The following ZNF248 variants were observed in gnomAD, a reference collection of about 807,000 sequenced individuals.
The protein encoded by ZNF248 is zinc finger protein 248.
A neutral mutation model predicts 44.3 loss-of-function variants in ZNF248; 20 were observed. The ratio of observed to expected loss-of-function variants is 0.45; its 90% CI spans 0.32 to 0.66. The LOEUF (loss-of-function observed/expected upper bound fraction) is 0.66. ZNF248 is among the 30% of genes least tolerant of loss of function. The pLI is 0.04. For synonymous variants in ZNF248, 224 were observed against 229.0 expected (o/e 0.98, Z 0.20); for missense variants, 654 against 677.0 (o/e 0.97, Z 0.38).
At chr10:37,826,401 T>C (rs1297363594), downstream of ZNF248, among the ~76,000 whole-genome samples, 3 of 152,204 alleles carry the variant, frequency 2.0e-5, no homozygotes, top group Non-Finnish European at 4.4e-5. Context: ...TGAGTATTAT[T>C]TCCTCATCAT....
In ZNF248 at chr10:37,790,270, C is replaced by CAA. The variant is rs35082361; in HGVS notation, c.331-13697_331-13696dup. On this transcript the variant is annotated intron_variant, in intron 6 of 6. Coordinates refer to the ZNF248 transcript ENST00000615949. ...TGGGTGACAGAGCAAGACTCTGTGT[C>CAA]AAAAAAAAAAAAAAAAAAAAGTAAC... Among the ~76,000 whole-genome samples, 93 of 91,000 alleles carry CAA rather than the reference C, an allele frequency of 1.0e-3. 1 individual carries two copies. Among genetic ancestry groups the CAA allele is most frequent in the Admixed American group, 1.7e-3 (14 of 8,240 alleles). The allele number at this position is 91,000 out of a possible 152,430, so 59.7% of individuals were successfully genotyped here. A position where few individuals can be genotyped will look rare whatever the true frequency, so the allele number is the denominator to read the frequency against.
chr10:37,761,248 G>A, the ZNF248 span, among the ~76,000 whole-genome samples: 1 of 152,326 alleles, frequency 6.6e-6, no homozygotes, highest in East Asian at 1.9e-4. Flanking sequence ...CCAGAAGGAT[G>A]TGAAATCTCT....
At chr10:37,820,277 G>T in intron 6 of ZNF248, 1 of 1,381,370 alleles carries the variant, frequency 7.2e-7, no homozygotes, top group Non-Finnish European at 1.0e-6. Flanking sequence ...GCTCTGTGTT[G>T]CCAGATCTCA....
chr10:37,838,563 C>T (rs889377150), intron 3 of ZNF248, among the ~76,000 whole-genome samples: 9 of 152,124 alleles, frequency 5.9e-5, no homozygotes, highest in African/African-American at 9.7e-5. Context: ...AAGCTCAGCA[C>T]ATATTGATTC....
the ZNF248 span, among the ~76,000 whole-genome samples, chr10:37,768,800 A>C: frequency 6.6e-6 from 1 of 152,152 alleles, no homozygotes; most frequent in Non-Finnish European, 1.5e-5. Flanking sequence ...ATAGAGACAT[A>C]AAAAACCCTT....
In ZNF248 at chr10:37,820,887, C is replaced by T; in HGVS notation, c.330+12138G>A. ...TCTTCTTGCATATTTATTGTTTTTT[C>T]CTCTTCTAGTTTTCCTTACTAATAC... On this transcript the variant is annotated intron_variant, in intron 6 of 6. Coordinates refer to the ZNF248 transcript ENST00000615949. The T allele has an allele frequency of 2.2e-6, 3 of 1,346,216 alleles. No homozygotes were observed. In the Admixed American group the frequency reaches 5.1e-5, roughly 23 times the overall value. The allele number at this position is 1,346,216 out of a possible 1,614,324, so 83.4% of individuals were successfully genotyped here.
chr10:37,823,427 C>T (rs1343768197), intron 6 of ZNF248, among the ~76,000 whole-genome samples: 1 of 150,694 alleles, frequency 6.6e-6, no homozygotes, highest in Non-Finnish European at 1.5e-5. Context: ...TCACAACATT[C>T]CAAACAAATT....
At chr10:37,764,744 C>A in the ZNF248 span, among the ~76,000 whole-genome samples, 1 of 152,024 alleles carries the variant, frequency 6.6e-6, no homozygotes, top group Non-Finnish European at 1.5e-5. Flanking sequence ...GGAACTAATT[C>A]TTTGCCATGT....
At chr10:37,850,931 C>T (rs1039174702) in intron 3 of ZNF248, among the ~76,000 whole-genome samples, 7 of 151,970 alleles carry the variant, frequency 4.6e-5, no homozygotes, top group African/African-American at 9.7e-5. Context: ...AAGCATCATC[C>T]GTAACAAAAT....
At chr10:37,839,948 G>T (rs140754762) in intron 3 of ZNF248, among the ~76,000 whole-genome samples, 2 of 152,200 alleles carry the variant, frequency 1.3e-5, no homozygotes, top group South Asian at 2.1e-4. Context: ...ACACCTTAAC[G>T]AACTTAATGC....
At chr10:37,820,031 A>C in intron 6 of ZNF248, 1 of 798,618 alleles carries the variant, frequency 1.3e-6, no homozygotes, top group Non-Finnish European at 2.3e-6. Context: ...TTCTATGAGG[A>C]CTTTCTTGCT....
chr10:37,762,021 A>G, the ZNF248 span, among the ~76,000 whole-genome samples: 3 of 152,240 alleles, frequency 2.0e-5, no homozygotes, highest in Non-Finnish European at 2.9e-5. Flanking sequence ...CTGTCTTATG[A>G]AATCTGTTAA....
At chr10:37,767,464 A>G in the ZNF248 span, among the ~76,000 whole-genome samples, 4 of 152,358 alleles carry the variant, frequency 2.6e-5, no homozygotes, top group South Asian at 2.1e-4. Context: ...AGTGGGGGCC[A>G]ATATTCAACA....
At chr10:37,805,246 G>C (rs1451608716) in intron 6 of ZNF248, among the ~76,000 whole-genome samples, 3 of 152,142 alleles carry the variant, frequency 2.0e-5, no homozygotes, top group Non-Finnish European at 2.9e-5. Flanking sequence ...GCTGAACCTA[G>C]GCAGAGAGTA....
At chr10:37,822,290 C>T (rs1449437776) in intron 6 of ZNF248, among the ~76,000 whole-genome samples, 9 of 152,060 alleles carry the variant, frequency 5.9e-5, no homozygotes, top group African/African-American at 2.2e-4. Flanking sequence ...CACTTGTGAA[C>T]ACAGAAAAAA....
At chr10:37,780,283 A>T (rs1015999403) in intron 6 of ZNF248, among the ~76,000 whole-genome samples, 3 of 152,208 alleles carry the variant, frequency 2.0e-5, no homozygotes, top group African/African-American at 7.2e-5. Flanking sequence ...AGGCTACAGT[A>T]ACCAAAACAG....
At chr10:37,787,753 G>A (rs1401858074) in intron 6 of ZNF248, among the ~76,000 whole-genome samples, 2 of 151,852 alleles carry the variant, frequency 1.3e-5, no homozygotes, top group Non-Finnish European at 2.9e-5. Flanking sequence ...AAAATTTATA[G>A]AAGAAAATAT....
At chr10:37,820,294 AG>A in intron 6 of ZNF248, 1 of 1,386,504 alleles carries the variant, frequency 7.2e-7, no homozygotes, top group Non-Finnish European at 1.0e-6. Flanking sequence ...CTCATAGATG[AG>A]GGACTGTTTT....
intron 5 of ZNF248, 85 bp from the exon 6 acceptor site, chr10:37,833,201 CAGTCA>C: frequency 6.8e-7 from 1 of 1,476,452 alleles, no homozygotes; most frequent in South Asian, 1.5e-5. Flanking sequence ...CACTATCATA[CAGTCA>C]ATTCTTTTGT....
Sources: gnomAD v4.1 joint callset for allele counts (sites outside exome capture counted in the v4.1 genomes callset) on GRCh38, gnomAD v4.1.1 for gene constraint, MANE v1.5 for transcripts, NCBI Gene and HGNC (gene_info 2026-07-23, HGNC 2026-07-21) for gene names.